The following SRRM1 variants were observed in gnomAD, a reference collection of about 807,000 sequenced individuals.
The protein encoded by SRRM1 is serine/arginine repetitive matrix protein 1.
SRRM1 carries 19 observed loss-of-function variants against 110.2 expected under a neutral mutation model. That is an observed-to-expected ratio of 0.17 (90% CI 0.12 to 0.25). The LOEUF (loss-of-function observed/expected upper bound fraction) is 0.25, where lower values mean the gene tolerates loss of function less well. Ranked by LOEUF, SRRM1 falls within the 10% of genes least tolerant of loss-of-function variation. The pLI, the probability that SRRM1 is intolerant of heterozygous loss-of-function variation, is 1.00. For missense variants in SRRM1, 918 were observed against 1,145.8 expected, an observed-to-expected ratio of 0.80 and a Z score of 2.87; for synonymous variants, 443 against 414.9, an observed-to-expected ratio of 1.07 and a Z score of -0.82.
At position 24,672,361 on chromosome 1, in the gene SRRM1, TG is replaced by T; in HGVS notation, c.*76del. 2 of 1,030,606 alleles carry T rather than the reference TG, an allele frequency of 1.9e-6. No homozygotes were observed. Among genetic ancestry groups the T allele is most frequent in the South Asian group, 1.5e-5 (1 of 67,960 alleles). The allele number at this position is 1,030,606 out of a possible 1,614,324, so 63.8% of individuals were successfully genotyped here. On this transcript the variant is annotated 3_prime_UTR_variant, in exon 17 of 17. Transcript: ENST00000323848. ...AATTTCAAAATTGCTAAAATGTGTT[TG>T]AGCTTTAGACTATAACATTTGTTGT...
chr1:24,663,559 T>C (rs1668316939), intron 12 of SRRM1, among the ~76,000 whole-genome samples: 1 of 152,046 alleles, frequency 6.6e-6, no homozygotes, highest in Non-Finnish European at 1.5e-5. Flanking sequence ...GGATTATTGC[T>C]CCTTAGATTT....
Position 24,653,050 on chromosome 1 carries a change from T to G in SRRM1, c.1040+18T>G, listed in dbSNP as rs1331953324. 6.2e-7 allele frequency: 1 copy of G among 1,608,610 alleles called. No individual in the cohort carries two copies. The highest frequency in any genetic ancestry group is 8.5e-7 in the Non-Finnish European group (1 of 1,177,628). ...GTAAGACGGTAAGATTTTTTAAATT[T>G]GGAAGTGTCAAGTGTTTGACACTTC... On this transcript the variant is annotated intron_variant, in intron 8 of 16. Coordinates refer to ENST00000323848, the MANE Select transcript of SRRM1 (RefSeq NM_005839.4).
intron 11 of SRRM1, 84 bp from the exon 12 acceptor site, chr1:24,662,575 AC>A (rs1667834465): frequency 2.1e-6 from 3 of 1,402,468 alleles, no homozygotes; most frequent in African/African-American, 2.9e-5. Context: ...ACCCTAGTGA[AC>A]ACTCCATCCA....
At chr1:24,658,537 A>G (rs1665489069) in intron 9 of SRRM1, among the ~76,000 whole-genome samples, 1 of 152,220 alleles carries the variant, frequency 6.6e-6, no homozygotes, top group South Asian at 2.1e-4. Flanking sequence ...TCTTGTAAGC[A>G]TAACCACATT....
chr1:24,652,870 C>T, intron 7 of SRRM1, 43 bp from the exon 8 acceptor site: 1 of 1,554,932 alleles, frequency 6.4e-7, no homozygotes, highest in Non-Finnish European at 8.7e-7. Flanking sequence ...AGAAATTCCT[C>T]ACTCCTGGTT....
At chr1:24,662,599 A>G (rs1667845259) in intron 11 of SRRM1, 61 bp from the exon 12 acceptor site, 1 of 1,573,154 alleles carries the variant, frequency 6.4e-7, no homozygotes, top group East Asian at 2.3e-5. Context: ...TAGATTTCAG[A>G]AAACTTGGAC....
At chr1:24,665,327 G>A (rs1316627821) in intron 12 of SRRM1, among the ~76,000 whole-genome samples, 1 of 152,126 alleles carries the variant, frequency 6.6e-6, no homozygotes, top group Non-Finnish European at 1.5e-5. Flanking sequence ...TACTCGGGAG[G>A]CTCAGGCAGG....
chr1:24,663,319 T>G, intron 12 of SRRM1: 3 of 939,048 alleles, frequency 3.2e-6, no homozygotes, highest in Non-Finnish European at 4.7e-6. Context: ...TTCTTAAATA[T>G]ATGGTGGCTG....
intron 12 of SRRM1, chr1:24,666,608 T>G: frequency 2.2e-6 from 1 of 451,634 alleles, no homozygotes; most frequent in Non-Finnish European, 4.1e-6. Context: ...CAAAAATATT[T>G]TAAAAAATTA....
intron 8 of SRRM1, among the ~76,000 whole-genome samples, chr1:24,653,963 A>G (rs1254343744): frequency 2.0e-5 from 3 of 152,134 alleles, no homozygotes; most frequent in African/African-American, 7.2e-5. Flanking sequence ...AGAGTCCCAT[A>G]TTTTGAAAAT....
chr1:24,651,357 C>T lies in SRRM1; in HGVS notation c.522-52C>T, dbSNP rs1431247624. 9 of 1,466,236 alleles carry T rather than the reference C, an allele frequency of 6.1e-6. No individual in the cohort carries two copies. The African/African-American group carries it at 1.1e-4, about 18-fold the overall frequency. The allele number at this position is 1,466,236 out of a possible 1,614,324, so 90.8% of individuals were successfully genotyped here. On this transcript the variant is annotated intron_variant, in intron 5 of 16. Coordinates refer to ENST00000323848, the MANE Select transcript of SRRM1 (RefSeq NM_005839.4). The stretch of plus-strand genomic sequence containing the variant: ...ATCCTCACTTCTCCCTTTGACTCCT[C>T]TCTTCCAATCCATGTTATTTAAAAA...
chr1:24,666,786 A>G (rs759186205), intron 12 of SRRM1, 29 bp from the exon 13 acceptor site: 4 of 1,592,866 alleles, frequency 2.5e-6, no homozygotes, highest in South Asian at 1.1e-5. Context: ...AAAAAGAAAA[A>G]AAATTAACTA....
At chr1:24,661,923 G>A (rs182779385) in intron 11 of SRRM1, among the ~76,000 whole-genome samples, 34 of 151,860 alleles carry the variant, frequency 2.2e-4, no homozygotes, top group Admixed American at 1.0e-3. Context: ...CCATCTCTAC[G>A]AAAAATACAA....
intron 12 of SRRM1, among the ~76,000 whole-genome samples, chr1:24,665,164 T>A (rs1669283501): frequency 6.6e-6 from 1 of 152,006 alleles, no homozygotes; most frequent in Non-Finnish European, 1.5e-5. Flanking sequence ...CGGTGGCTCA[T>A]GCCTGTAATC....
intron 12 of SRRM1, among the ~76,000 whole-genome samples, chr1:24,664,072 T>C (rs1448301859): frequency 6.9e-6 from 1 of 145,458 alleles, no homozygotes; most frequent in African/African-American, 2.6e-5. Context: ...CTCGGCTCAC[T>C]GCAACTTCTG....
At chr1:24,644,730 C>T (rs1316983215) in intron 1 of SRRM1, among the ~76,000 whole-genome samples, 2 of 152,180 alleles carry the variant, frequency 1.3e-5, no homozygotes, top group African/African-American at 4.8e-5. Flanking sequence ...TTTGTAATTT[C>T]CATCAAAGTG....
chr1:24,653,921 A>G (rs1662525862), intron 8 of SRRM1, among the ~76,000 whole-genome samples: 2 of 152,212 alleles, frequency 1.3e-5, no homozygotes, highest in Admixed American at 6.5e-5. Flanking sequence ...TAAGCTCTGT[A>G]AAGTTACTTT....
intron 10 of SRRM1, 112 bp from the exon 11 acceptor site, chr1:24,661,195 AGTT>A: frequency 1.5e-6 from 1 of 645,760 alleles, no homozygotes; most frequent in Non-Finnish European, 2.7e-6. Flanking sequence ...AATATATAGT[AGTT>A]GTATTTTTGA....
intron 12 of SRRM1, among the ~76,000 whole-genome samples, chr1:24,663,880 ATAATAATAATAAT>A (rs1557722344): frequency 1.1e-4 from 1 of 9,472 alleles, no homozygotes; most frequent in African/African-American, 5.6e-4. Flanking sequence ...CCTCTCAAAA[ATAATAATAATAAT>A]AATAATAATA....
Sources: gnomAD v4.1 joint callset for allele counts (sites outside exome capture counted in the v4.1 genomes callset) on GRCh38, gnomAD v4.1.1 for gene constraint, MANE v1.5 for transcripts, NCBI Gene and HGNC (gene_info 2026-07-23, HGNC 2026-07-21) for gene names.